The following WWOX variants were observed in gnomAD, a reference collection of about 807,000 sequenced individuals.
WWOX encodes the protein WW domain containing oxidoreductase.
WWOX carries 69 observed loss-of-function variants against 46.2 expected under a neutral mutation model. The observed-to-expected ratio is 1.49, with a 90% CI of 1.23 to 1.82. The LOEUF (loss-of-function observed/expected upper bound fraction) is 1.82, where lower values mean the gene tolerates loss of function less well. WWOX is among the 40% of genes most tolerant of loss of function. WWOX has a pLI of 0.00. For synonymous variants in WWOX, 359 were observed against 202.6 expected (o/e 1.77, Z -6.56); for missense variants, 919 against 542.6 (o/e 1.69, Z -6.89).
intron 8 of WWOX, chr16:78,872,681 A>G (rs1357620682): frequency 6.6e-6 from 1 of 152,062 alleles, no homozygotes; most frequent in African/African-American, 2.4e-5. Context: ...AAAACCATAG[A>G]CAGGCAGTGT....
intron 6 of WWOX, among the ~76,000 whole-genome samples, chr16:78,392,879 T>G (rs753145906): frequency 5.3e-5 from 8 of 152,148 alleles, no homozygotes; most frequent in Non-Finnish European, 8.8e-5. Context: ...TTTCATTCAT[T>G]GATTCTGTTA....
At chr16:79,128,372 CAAAA>C (rs1459964099) in intron 8 of WWOX, among the ~76,000 whole-genome samples, 1 of 144,372 alleles carries the variant, frequency 6.9e-6, no homozygotes, top group Non-Finnish European at 1.5e-5. Flanking sequence ...GTGTGAAAAA[CAAAA>C]AACAAAAAAC....
chr16:78,426,790 A>G (rs920465170), intron 7 of WWOX, among the ~76,000 whole-genome samples: 1 of 152,070 alleles, frequency 6.6e-6, no homozygotes, highest in Non-Finnish European at 1.5e-5. Flanking sequence ...CAGCCTTCCA[A>G]GTAGCTGGGA....
At chr16:78,748,316 A>G (rs149860975) in intron 8 of WWOX, among the ~76,000 whole-genome samples, 9 of 152,212 alleles carry the variant, frequency 5.9e-5, no homozygotes, top group Admixed American at 5.2e-4. Context: ...AAAAGACTCT[A>G]TGCAAATAAT....
At chr16:78,907,876 G>C (rs2045007177) in intron 8 of WWOX, among the ~76,000 whole-genome samples, 1 of 152,106 alleles carries the variant, frequency 6.6e-6, no homozygotes, top group South Asian at 2.1e-4. Flanking sequence ...CAAAGCCCGT[G>C]GCATGTCAAG....
intron 2 of WWOX, 94 bp downstream of exon 2, chr16:78,108,581 G>C (rs1008547896): frequency 2.8e-6 from 4 of 1,422,328 alleles, no homozygotes; most frequent in African/African-American, 1.4e-5. Context: ...TGTGTGTTTA[G>C]GGAGGGCTCT....
At chr16:78,715,002 A>G (rs767640769) in intron 8 of WWOX, among the ~76,000 whole-genome samples, 2 of 152,156 alleles carry the variant, frequency 1.3e-5, no homozygotes, top group Non-Finnish European at 2.9e-5. Context: ...ATGGATTGTC[A>G]TGGCCTGGGT....
chr16:79,028,071 C>T (rs2047681097), intron 8 of WWOX, among the ~76,000 whole-genome samples: 2 of 151,788 alleles, frequency 1.3e-5, no homozygotes, highest in East Asian at 1.9e-4. Context: ...CCTGCTCTGC[C>T]TCCCGAGTAG....
intron 8 of WWOX, among the ~76,000 whole-genome samples, chr16:79,006,119 G>A (rs1320885704): frequency 6.6e-6 from 1 of 152,216 alleles, no homozygotes; most frequent in African/African-American, 2.4e-5. Flanking sequence ...GGTGAGGGTG[G>A]CAGTGGCTGG....
intron 8 of WWOX, among the ~76,000 whole-genome samples, chr16:78,631,340 C>T (rs1450163975): frequency 2.6e-5 from 4 of 152,082 alleles, no homozygotes; most frequent in Non-Finnish European, 4.4e-5. Context: ...GTTGCTGAGA[C>T]AGAGCTGGAC....
chr16:78,146,388 C>G (rs916431189), intron 4 of WWOX, among the ~76,000 whole-genome samples: 1 of 152,126 alleles, frequency 6.6e-6, no homozygotes, highest in Non-Finnish European at 1.5e-5. Context: ...CCAAGACCCT[C>G]TTTTTGGCCC....
chr16:78,215,971 G>C (rs2151792911), intron 5 of WWOX, among the ~76,000 whole-genome samples: 1 of 152,070 alleles, frequency 6.6e-6, no homozygotes, highest in East Asian at 1.9e-4. Flanking sequence ...GAGATATTGG[G>C]ACTGTTCTTA....
chr16:78,231,369 A>C (rs1364402290), intron 5 of WWOX, among the ~76,000 whole-genome samples: 1 of 152,220 alleles, frequency 6.6e-6, no homozygotes, highest in Non-Finnish European at 1.5e-5. Flanking sequence ...TCTGAATGCA[A>C]ATTAATCAAC....
chr16:78,735,581 C>T (rs903317067), intron 8 of WWOX, among the ~76,000 whole-genome samples: 4 of 152,210 alleles, frequency 2.6e-5, no homozygotes, highest in African/African-American at 9.6e-5. Flanking sequence ...CTGCACAAGT[C>T]AACTTTTTGT....
chr16:78,411,301 G>T (rs1016568716), intron 6 of WWOX, among the ~76,000 whole-genome samples: 2 of 152,140 alleles, frequency 1.3e-5, no homozygotes, highest in East Asian at 1.9e-4. Context: ...TCTTTTTAAT[G>T]TTGAGTAATA....
intron 8 of WWOX, among the ~76,000 whole-genome samples, chr16:78,592,721 AT>A (rs2045380288): frequency 6.6e-6 from 1 of 152,184 alleles, no homozygotes; most frequent in Non-Finnish European, 1.5e-5. Flanking sequence ...ATGGTGGTAA[AT>A]TCTTCCACAT....
chr16:79,036,963 C>T (rs1179542859), intron 8 of WWOX, among the ~76,000 whole-genome samples: 1 of 152,164 alleles, frequency 6.6e-6, no homozygotes, highest in East Asian at 1.9e-4. Context: ...TCCATTTAGC[C>T]ACACAAAAGG....
intron 8 of WWOX, among the ~76,000 whole-genome samples, chr16:78,751,527 A>G (rs1431247252): frequency 6.7e-6 from 1 of 148,376 alleles, no homozygotes; most frequent in African/African-American, 2.5e-5. Context: ...AAAGACCCAA[A>G]ACTCATATAA....
chr16:78,395,456 C>G (rs1046558687), intron 6 of WWOX, among the ~76,000 whole-genome samples: 5 of 152,068 alleles, frequency 3.3e-5, no homozygotes, highest in Non-Finnish European at 5.9e-5. Context: ...ATGGTGGAGG[C>G]TGCCATGATC....
Sources: allele counts gnomAD v4.1 joint callset (sites outside exome capture counted in the v4.1 genomes callset), GRCh38; gene constraint gnomAD v4.1.1; transcripts MANE v1.5; gene names NCBI Gene and HGNC (gene_info 2026-07-23, HGNC 2026-07-21).